SLC8A1: variants seen among roughly 807,000 people sequenced by gnomAD.
SLC8A1 encodes solute carrier family 8 member A1, also known as sodium/calcium exchanger 1.
A neutral mutation model predicts 68.3 loss-of-function variants in SLC8A1; 18 were observed. The ratio of observed to expected loss-of-function variants is 0.26; its 90% confidence interval spans 0.18 to 0.39. The LOEUF (loss-of-function observed/expected upper bound fraction) is 0.39, where lower values mean the gene tolerates loss of function less well. Ranked by LOEUF, SLC8A1 falls within the 10% of genes least tolerant of loss-of-function variation. SLC8A1 has a pLI of 1.00. For missense variants in SLC8A1, 985 were observed against 1,156.7 expected (o/e 0.85, Z 2.15); for synonymous variants, 475 against 415.5 (o/e 1.14, Z -1.74).
intron 1 of SLC8A1, among the ~76,000 whole-genome samples, chr2:40,486,562 T>C (rs913357345): frequency 3.3e-5 from 5 of 152,204 alleles, no homozygotes; most frequent in African/African-American, 1.2e-4. Flanking sequence ...TGACACTCTG[T>C]ATTTGATTTT....
At chr2:40,227,748 G>T (rs2059162699) in intron 2 of SLC8A1, among the ~76,000 whole-genome samples, 2 of 151,994 alleles carry the variant, frequency 1.3e-5, no homozygotes, top group Non-Finnish European at 2.9e-5. Context: ...AGGTTCTTTG[G>T]AATTAGGGGT....
intron 6 of SLC8A1, among the ~76,000 whole-genome samples, chr2:40,153,869 C>G (rs1002791521): frequency 6.6e-6 from 1 of 152,204 alleles, no homozygotes; most frequent in Non-Finnish European, 1.5e-5. Flanking sequence ...GGTCCTTCTG[C>G]ACTTCTGTCC....
intron 2 of SLC8A1, among the ~76,000 whole-genome samples, chr2:40,291,659 C>T (rs1024664586): frequency 1.3e-5 from 2 of 152,104 alleles, no homozygotes; most frequent in East Asian, 1.9e-4. Flanking sequence ...CAGAGAAGTA[C>T]TGCTAAAATC....
At chr2:40,302,897 C>T (rs1011452794) in intron 2 of SLC8A1, among the ~76,000 whole-genome samples, 7 of 152,118 alleles carry the variant, frequency 4.6e-5, no homozygotes, top group African/African-American at 1.4e-4. Flanking sequence ...TGTGATACCA[C>T]CTTACTCCTG....
chr2:40,104,885 T>A (rs1249435362), exon 8 of SLC8A1: 2 of 152,166 alleles, frequency 1.3e-5, no homozygotes, highest in African/African-American at 4.8e-5. Context: ...TTGGTTTGAT[T>A]TCTTTTTTAT....
intron 5 of SLC8A1, among the ~76,000 whole-genome samples, chr2:40,161,819 T>C (rs1209962766): frequency 6.6e-6 from 1 of 152,214 alleles, no homozygotes; most frequent in Non-Finnish European, 1.5e-5. Context: ...CAGAGCATCC[T>C]TGAATTTCCA....
intron 2 of SLC8A1, among the ~76,000 whole-genome samples, chr2:40,324,197 A>G (rs2075552722): frequency 6.6e-6 from 1 of 152,166 alleles, no homozygotes; most frequent in South Asian, 2.1e-4. Context: ...GAATTAGTGA[A>G]GAGCTTTTAA....
intron 2 of SLC8A1, among the ~76,000 whole-genome samples, chr2:40,281,698 A>G (rs1007507785): frequency 6.6e-6 from 1 of 152,224 alleles, no homozygotes; most frequent in Admixed American, 6.5e-5. Flanking sequence ...GAATGTCTGG[A>G]AAGAGTGAAG....
chr2:40,267,912 T>C (rs1392202180), intron 2 of SLC8A1, among the ~76,000 whole-genome samples: 1 of 152,166 alleles, frequency 6.6e-6, no homozygotes, highest in Non-Finnish European at 1.5e-5. Flanking sequence ...TCACTGGGTA[T>C]GCAGGATGAC....
At chr2:40,438,911 C>A (rs1006029980) in intron 1 of SLC8A1, among the ~76,000 whole-genome samples, 7 of 152,216 alleles carry the variant, frequency 4.6e-5, no homozygotes, top group African/African-American at 1.4e-4. Context: ...GAACAGCACA[C>A]AGGGCATGGG....
At chr2:40,172,753 C>T (rs942888288) in intron 4 of SLC8A1, among the ~76,000 whole-genome samples, 4 of 151,952 alleles carry the variant, frequency 2.6e-5, no homozygotes, top group African/African-American at 9.7e-5. Context: ...CTCTCCTGGC[C>T]AACATGGTGA....
intron 1 of SLC8A1, among the ~76,000 whole-genome samples, chr2:40,457,253 G>T (rs1404120155): frequency 6.6e-6 from 1 of 152,128 alleles, no homozygotes; most frequent in African/African-American, 2.4e-5. Context: ...CATCAAATAG[G>T]GGCTCAAGAT....
intron 2 of SLC8A1, among the ~76,000 whole-genome samples, chr2:40,271,724 C>A (rs1422197152): frequency 6.6e-6 from 1 of 152,034 alleles, no homozygotes; most frequent in Non-Finnish European, 1.5e-5. Context: ...TTTGATGAGC[C>A]CTTTTAAGTG....
chr2:40,439,306 G>A (rs1351759416), intron 1 of SLC8A1, among the ~76,000 whole-genome samples: 3 of 152,136 alleles, frequency 2.0e-5, no homozygotes, highest in Non-Finnish European at 4.4e-5. Context: ...CATCTTCAGA[G>A]ACCTATTCAG....
At chr2:40,458,484 G>A (rs933871283) in intron 1 of SLC8A1, among the ~76,000 whole-genome samples, 1 of 147,756 alleles carries the variant, frequency 6.8e-6, no homozygotes, top group African/African-American at 2.5e-5. Flanking sequence ...GAAGGATTCC[G>A]GTGATAGGGT....
At chr2:40,492,791 T>A (rs1705408672) in intron 1 of SLC8A1, among the ~76,000 whole-genome samples, 2 of 147,994 alleles carry the variant, frequency 1.4e-5, no homozygotes. Flanking sequence ...AAAACCACAA[T>A]GAGATACCAT....
intron 2 of SLC8A1, among the ~76,000 whole-genome samples, chr2:40,381,981 C>T (rs1461305909): frequency 6.6e-6 from 1 of 151,996 alleles, no homozygotes; most frequent in African/African-American, 2.4e-5. Context: ...AGACTGATCT[C>T]CTATCTCCTC....
At chr2:40,423,474 T>C (rs563436174) in intron 2 of SLC8A1, among the ~76,000 whole-genome samples, 14 of 152,166 alleles carry the variant, frequency 9.2e-5, no homozygotes, top group African/African-American at 3.4e-4. Context: ...TTATTAAGTA[T>C]GTGCAGATTA....
At chr2:40,318,756 C>T (rs559061004) in intron 2 of SLC8A1, among the ~76,000 whole-genome samples, 1 of 152,204 alleles carries the variant, frequency 6.6e-6, no homozygotes, top group South Asian at 2.1e-4. Flanking sequence ...GAAATTCAGT[C>T]TTTAGGACTC....
Sources: allele counts gnomAD v4.1 joint callset (sites outside exome capture counted in the v4.1 genomes callset), GRCh38; gene constraint gnomAD v4.1.1; transcripts MANE v1.5; gene names NCBI Gene and HGNC (gene_info 2026-07-23, HGNC 2026-07-21).